Variants in ADAMTS14 observed in about 807,000 individuals in gnomAD.
ADAMTS14 encodes ADAM metallopeptidase with thrombospondin type 1 motif 14, also known as A disintegrin and metalloproteinase with thrombospondin motifs 14.
ADAMTS14 carries 100 observed loss-of-function variants against 128.6 expected under a neutral mutation model. That is an observed-to-expected ratio of 0.78 (90% confidence interval 0.66 to 0.92). The LOEUF (loss-of-function observed/expected upper bound fraction) is 0.92, where lower values mean the gene tolerates loss of function less well. Ranked by LOEUF, ADAMTS14 falls within the 40% of genes least tolerant of loss-of-function variation. ADAMTS14 has a pLI of 0.00. For synonymous variants in ADAMTS14, 665 were observed against 653.8 expected, an observed-to-expected ratio of 1.02 and a Z score of -0.26; for missense variants, 1,562 against 1,658.6, an observed-to-expected ratio of 0.94 and a Z score of 1.01.
At chr10:70,691,903 C>G (rs72814537) in intron 2 of ADAMTS14, among the ~76,000 whole-genome samples, 25,353 of 152,188 alleles carry the variant, frequency 0.17, 2,686 homozygotes, top group Middle Eastern at 0.25. Flanking sequence ...GATGAACACA[C>G]CTGTGCTGCT....
intron 11 of ADAMTS14, among the ~76,000 whole-genome samples, chr10:70,740,492 G>A (rs374658681): frequency 2.0e-5 from 3 of 152,234 alleles, no homozygotes; most frequent in Non-Finnish European, 2.9e-5. Context: ...AGGTTGCACT[G>A]TCAGGACTTG....
At chr10:70,680,931 G>T (rs939765105) in intron 2 of ADAMTS14, among the ~76,000 whole-genome samples, 1 of 152,116 alleles carries the variant, frequency 6.6e-6, no homozygotes, top group Non-Finnish European at 1.5e-5. Flanking sequence ...TACAGGCACC[G>T]CACCCAGCCA....
chr10:70,735,174 A>G lies in ADAMTS14; in HGVS notation c.1358A>G (p.Tyr453Cys). The G allele has an allele frequency of 6.2e-7, 1 of 1,612,962 alleles. No homozygotes were observed. The highest frequency in any genetic ancestry group is 1.1e-5 in the South Asian group (1 of 90,814). The change falls in exon 9 of 22, where the codon TAC becomes TGC. Residue 453 changes from tyrosine to cysteine, a missense_variant. Tyr to Cys is a radical substitution (Grantham distance 194, BLOSUM62 -2). Transcript: ENST00000373207. ...KLELSRYLPS[Y>C]DCLLDDPFDP... ...TTCCTTGTCTCTACTGGCAGCTCCT[A>G]CGACTGCCTCCTCGATGACCCCTTT...
intron 17 of ADAMTS14, 127 bp from the exon 18 acceptor site, chr10:70,751,968 C>G (rs1035963598): frequency 1.5e-6 from 2 of 1,370,444 alleles, no homozygotes; most frequent in African/African-American, 1.5e-5. Flanking sequence ...CGTGGGCAGG[C>G]GGGGGCATAG....
chr10:70,736,893 C>A, intron 10 of ADAMTS14, 100 bp downstream of exon 10: 1 of 1,067,042 alleles, frequency 9.4e-7, no homozygotes. Context: ...CCCCTCCCTC[C>A]AAGTGCTTAT....
At chr10:70,680,475 G>A (rs532203599) in intron 2 of ADAMTS14, among the ~76,000 whole-genome samples, 14 of 152,320 alleles carry the variant, frequency 9.2e-5, no homozygotes, top group Admixed American at 2.6e-4. Context: ...AGGGCCCCAC[G>A]AAAGGTGGTG....
intron 17 of ADAMTS14, 114 bp from the exon 18 acceptor site, chr10:70,751,981 A>G: frequency 6.9e-7 from 1 of 1,446,940 alleles, no homozygotes; most frequent in South Asian, 1.4e-5. Context: ...GGGCATAGGC[A>G]GAGGGAGGTG....
chr10:70,718,834 T>C (rs1488138321), intron 4 of ADAMTS14, among the ~76,000 whole-genome samples: 1 of 151,952 alleles, frequency 6.6e-6, no homozygotes. Flanking sequence ...ACCACCATGC[T>C]TGCCTAATTT....
chr10:70,744,290 G>T, intron 14 of ADAMTS14, 101 bp downstream of exon 14: 1 of 1,362,120 alleles, frequency 7.3e-7, no homozygotes, highest in Non-Finnish European at 9.5e-7. Context: ...GTCTGGGGTG[G>T]GGAGAAGGGG....
chr10:70,704,238 C>CT (rs1209201991), intron 3 of ADAMTS14, among the ~76,000 whole-genome samples: 2 of 152,128 alleles, frequency 1.3e-5, no homozygotes, highest in African/African-American at 4.8e-5. Context: ...GTCAGGGAGT[C>CT]TGAGGTGCAC....
rs560453647 is a variant in ADAMTS14 at position 70,733,407 on chromosome 10, C to T, written c.1209-478C>T. Reference sequence around the variant, plus strand: ...GTCTTGGAGAGGCTCAAGAGGCAGGCGCTGACAGGGGCTCAAGAAATGAGG... The same window carrying T: ...GTCTTGGAGAGGCTCAAGAGGCAGGTGCTGACAGGGGCTCAAGAAATGAGG... On this transcript the variant is annotated intron_variant, in intron 7 of 21. Transcript: ENST00000373207. 7.9e-5 allele frequency among the ~76,000 whole-genome samples: 12 copies of T among 152,302 alleles called. 1 individual carries two copies. The South Asian group carries it at 2.3e-3, about 29-fold the overall frequency.
chr10:70,688,702 C>T, intron 2 of ADAMTS14, among the ~76,000 whole-genome samples: 1 of 110,788 alleles, frequency 9.0e-6, no homozygotes, highest in Non-Finnish European at 2.0e-5. Flanking sequence ...CCCGTCTCCA[C>T]CAAAACCAGT....
chr10:70,735,650 T>C (rs1388155958), intron 9 of ADAMTS14, among the ~76,000 whole-genome samples: 2 of 152,208 alleles, frequency 1.3e-5, no homozygotes, highest in African/African-American at 4.8e-5. Flanking sequence ...CCTCCGGGGA[T>C]GTGCCAAGTC....
intron 2 of ADAMTS14, among the ~76,000 whole-genome samples, chr10:70,686,293 A>ATTTTTTTTTTTTTTTTT (rs1564519570): frequency 9.8e-6 from 1 of 102,100 alleles, no homozygotes; most frequent in Non-Finnish European, 2.3e-5. Flanking sequence ...TTTTTTTTTA[A>ATTTTTTTTTTTTTTTTT]TTTATTTTTT....
chr10:70,743,720 G>T, intron 13 of ADAMTS14, 39 bp downstream of exon 13: 1 of 1,528,916 alleles, frequency 6.5e-7, no homozygotes, highest in East Asian at 2.4e-5. Context: ...CCGGCACAGG[G>T]AGACTGGAGG....
intron 2 of ADAMTS14, among the ~76,000 whole-genome samples, chr10:70,685,853 G>C (rs1839936992): frequency 6.6e-6 from 1 of 152,158 alleles, no homozygotes; most frequent in South Asian, 2.1e-4. Context: ...ACTGAGTAGA[G>C]GTGTTTATGA....
intron 13 of ADAMTS14, 35 bp downstream of exon 13, chr10:70,743,716 C>A: frequency 6.5e-7 from 1 of 1,535,984 alleles, no homozygotes; most frequent in Non-Finnish European, 8.8e-7. Flanking sequence ...ACTACCGGCA[C>A]AGGGAGACTG....
intron 2 of ADAMTS14, among the ~76,000 whole-genome samples, chr10:70,678,735 G>T (rs1169253394): frequency 6.6e-6 from 1 of 152,122 alleles, no homozygotes; most frequent in Non-Finnish European, 1.5e-5. Flanking sequence ...TGAGCAAGCT[G>T]GCCCCTTCTC....
rs759093576 is a variant in ADAMTS14, at chr10:70,741,175, CA to C, written c.1924+14del. 4.3e-4 allele frequency: 693 copies of C among 1,610,296 alleles called. 1 individual carries two copies. The African/African-American group carries it at 8.4e-3, about 20-fold the overall frequency. On this transcript the variant is annotated intron_variant, in intron 12 of 21. Transcript: ENST00000373207. The stretch of plus-strand genomic sequence containing the variant: ...GAGCCTGACGATGGTGAGTGGGCCC[CA>C]CCCCCCTCCCACTCCATGTCCTTAG...
Sources: allele counts gnomAD v4.1 joint callset (sites outside exome capture counted in the v4.1 genomes callset), GRCh38; gene constraint gnomAD v4.1.1; transcripts MANE v1.5; gene names NCBI Gene and HGNC (gene_info 2026-07-23, HGNC 2026-07-21).